The following SLC10A7 variants were observed in gnomAD, a reference collection of about 807,000 sequenced individuals.
The protein encoded by SLC10A7 is sodium/bile acid cotransporter 7.
SLC10A7 carries 29 observed loss-of-function variants against 43.2 expected under a neutral mutation model. That is an observed-to-expected ratio of 0.67 (90% CI 0.50 to 0.92). SLC10A7 has a LOEUF of 0.92. SLC10A7 is among the 40% of genes least tolerant of loss of function. The pLI, the probability that SLC10A7 is intolerant of heterozygous loss-of-function variation, is 0.00. For missense variants in SLC10A7, 295 were observed against 403.2 expected, an observed-to-expected ratio of 0.73 and a Z score of 2.30; for synonymous variants, 152 against 144.8, an observed-to-expected ratio of 1.05 and a Z score of -0.35.
intron 7 of SLC10A7, among the ~76,000 whole-genome samples, chr4:146,296,584 G>A (rs1041716504): frequency 6.6e-6 from 1 of 152,100 alleles, no homozygotes; most frequent in African/African-American, 2.4e-5. Context: ...AGTTGGAAAT[G>A]GACAGATGTA....
intron 10 of SLC10A7, among the ~76,000 whole-genome samples, chr4:146,260,577 C>A (rs1728159629): frequency 6.6e-6 from 1 of 152,140 alleles, no homozygotes; most frequent in African/African-American, 2.4e-5. Context: ...GAAGGGAAGC[C>A]ATAGAGATAG....
intron 5 of SLC10A7, among the ~76,000 whole-genome samples, chr4:146,417,646 C>G (rs951497594): frequency 2.6e-5 from 4 of 152,090 alleles, no homozygotes; most frequent in African/African-American, 9.7e-5. Flanking sequence ...CTGAATAAGC[C>G]CTGAAATAAA....
chr4:146,518,167 G>C (rs1464598764), intron 1 of SLC10A7, among the ~76,000 whole-genome samples: 1 of 152,134 alleles, frequency 6.6e-6, no homozygotes, highest in Admixed American at 6.5e-5. Flanking sequence ...TACACAATTG[G>C]CTTGAAGACC....
intron 5 of SLC10A7, among the ~76,000 whole-genome samples, chr4:146,400,033 A>C (rs1739119406): frequency 6.6e-6 from 1 of 152,168 alleles, no homozygotes; most frequent in Non-Finnish European, 1.5e-5. Context: ...CAGGCCTGAG[A>C]CCCTCTAACA....
chr4:146,396,363 A>G (rs970758108), intron 5 of SLC10A7, among the ~76,000 whole-genome samples: 1 of 152,174 alleles, frequency 6.6e-6, no homozygotes, highest in Non-Finnish European at 1.5e-5. Flanking sequence ...CCTTCAAGTG[A>G]TGGATATTTT....
intron 5 of SLC10A7, among the ~76,000 whole-genome samples, chr4:146,359,111 C>T (rs1319890956): frequency 6.6e-6 from 1 of 152,108 alleles, no homozygotes; most frequent in Non-Finnish European, 1.5e-5. Context: ...CTTTAATTTG[C>T]ATTTTCCTGG....
chr4:146,317,359 CTAAAACAGA>C (rs1465093013), intron 6 of SLC10A7, among the ~76,000 whole-genome samples: 5 of 152,126 alleles, frequency 3.3e-5, no homozygotes, highest in African/African-American at 1.2e-4. Flanking sequence ...ATGACGGTGA[CTAAAACAGA>C]TAAAGTCCCT....
At chr4:146,298,958 T>G (rs1293595088) in intron 7 of SLC10A7, among the ~76,000 whole-genome samples, 1 of 152,198 alleles carries the variant, frequency 6.6e-6, no homozygotes, top group Non-Finnish European at 1.5e-5. Context: ...AATAATGATT[T>G]AAACCAAAAA....
Position 146,314,085 on chromosome 4 carries a change from G to A in SLC10A7, c.472-8076C>T, listed in dbSNP as rs180809122. Among the ~76,000 whole-genome samples, 393 of 152,248 alleles carry A rather than the reference G, an allele frequency of 2.6e-3. 5 individuals are homozygous for A. Among genetic ancestry groups the A allele is most frequent in the African/African-American group, 9.1e-3 (377 of 41,544 alleles). ...GGGGAGGCAGACCCAGGCTGAAAGC[G>A]TCTTGTGTTCTCTACCAGTTGTGCA... On this transcript the variant is annotated intron_variant, in intron 6 of 11. Coordinates refer to ENST00000335472, the MANE Select transcript of SLC10A7 (RefSeq NM_001029998.6).
chr4:146,289,927 G>C (rs1053659481), intron 9 of SLC10A7, among the ~76,000 whole-genome samples: 1 of 149,756 alleles, frequency 6.7e-6, no homozygotes, highest in Non-Finnish European at 1.5e-5. Flanking sequence ...TGTTGGCCTG[G>C]CTGGTTTTGA....
intron 10 of SLC10A7, among the ~76,000 whole-genome samples, chr4:146,279,489 AAATATCT>A (rs531345617): frequency 2.6e-5 from 4 of 152,298 alleles, no homozygotes; most frequent in Admixed American, 2.0e-4. Flanking sequence ...CTGCTATGTA[AAATATCT>A]TTTCATTATT....
At chr4:146,335,250 GTAA>G (rs1733803960) in intron 5 of SLC10A7, among the ~76,000 whole-genome samples, 1 of 70,602 alleles carries the variant, frequency 1.4e-5, no homozygotes, top group Admixed American at 2.3e-4. Flanking sequence ...CACAGATGTT[GTAA>G]AAAAAAAAAA....
At chr4:146,425,408 C>T (rs575523715) in intron 5 of SLC10A7, among the ~76,000 whole-genome samples, 1 of 152,308 alleles carries the variant, frequency 6.6e-6, no homozygotes, top group South Asian at 2.1e-4. Context: ...GCAGGAGCCA[C>T]CAGTCACATG....
intron 7 of SLC10A7, among the ~76,000 whole-genome samples, chr4:146,299,211 G>T (rs1730990018): frequency 1.3e-5 from 2 of 152,110 alleles, no homozygotes; most frequent in African/African-American, 4.8e-5. Flanking sequence ...GGCACTCCTG[G>T]TTACAGTTGT....
rs541769687 is a variant in SLC10A7 at position 146,344,975 on chromosome 4, C to A, written c.436-18979G>T. Among the ~76,000 whole-genome samples, 25 of 152,194 alleles carry A rather than the reference C, an allele frequency of 1.6e-4. No individual in the cohort carries two copies. In the South Asian group the frequency reaches 3.7e-3, roughly 23 times the overall value. On this transcript the variant is annotated intron_variant, in intron 5 of 11. Transcript: ENST00000335472. ...CAAATTTTAAGACTGTAAAGGAGTT[C>A]GAAAAGTTGGAGAACACTGTTCCGG...
At chr4:146,363,767 G>T (rs1736211371) in intron 5 of SLC10A7, among the ~76,000 whole-genome samples, 2 of 152,002 alleles carry the variant, frequency 1.3e-5, no homozygotes, top group Non-Finnish European at 1.5e-5. Flanking sequence ...GGTCAATGAA[G>T]AAATTAAGAA....
intron 9 of SLC10A7, among the ~76,000 whole-genome samples, chr4:146,289,970 T>A (rs1730308129): frequency 6.7e-6 from 1 of 148,666 alleles, no homozygotes; most frequent in Non-Finnish European, 1.5e-5. Context: ...CACCTTGGCC[T>A]CCCAAAGTGC....
intron 9 of SLC10A7, among the ~76,000 whole-genome samples, 191 bp from the exon 10 acceptor site, chr4:146,283,456 A>G (rs906559072): frequency 7.2e-5 from 11 of 152,140 alleles, no homozygotes; most frequent in Non-Finnish European, 1.5e-4. Context: ...TCATTTATCC[A>G]TGAAAAGGAG....
rs1337417835 is a variant in SLC10A7, at chr4:146,351,442, C to T, written c.436-25446G>A. On this transcript the variant is annotated intron_variant, in intron 5 of 11. Coordinates refer to ENST00000335472, the MANE Select transcript of SLC10A7 (RefSeq NM_001029998.6). ...CCTGAAAGTGATGTGGAGAATGGAA[C>T]CAAGTTGGAAAACACTCTGCAGGAT... is the stretch of plus-strand genomic sequence containing the variant. Among the ~76,000 whole-genome samples the T allele has an allele frequency of 2.0e-5, 3 of 152,002 alleles. No homozygotes were observed. In the East Asian group the frequency reaches 5.8e-4, roughly 29 times the overall value.
Sources: allele counts gnomAD v4.1 joint callset (sites outside exome capture counted in the v4.1 genomes callset), GRCh38; gene constraint gnomAD v4.1.1; transcripts MANE v1.5; gene names NCBI Gene and HGNC (gene_info 2026-07-23, HGNC 2026-07-21).